RPA3: variants seen among roughly 807,000 people sequenced by gnomAD.
The protein encoded by RPA3 is replication protein A3, also known as replication protein A 14 kDa subunit.
A neutral mutation model predicts 13.7 loss-of-function variants in RPA3; 24 were observed. The ratio of observed to expected loss-of-function variants is 1.75; its 90% CI spans 1.27 to 2.46. The LOEUF is 2.46. RPA3 is among the 30% of genes most tolerant of loss of function. The pLI is 0.00. For missense variants in RPA3, 183 were observed against 151.0 expected (o/e 1.21, Z -1.11); for synonymous variants, 59 against 51.2 (o/e 1.15, Z -0.65).
chr7:7,714,445 A>C (rs1780841375), intron 2 of RPA3, among the ~76,000 whole-genome samples: 1 of 152,256 alleles, frequency 6.6e-6, no homozygotes, highest in Non-Finnish European at 1.5e-5. Flanking sequence ...AAACATGAAT[A>C]AAGAGGGAGT....
intron 2 of RPA3, among the ~76,000 whole-genome samples, chr7:7,697,127 T>A (rs1780340169): frequency 1.3e-5 from 2 of 152,274 alleles, no homozygotes; most frequent in African/African-American, 4.8e-5. Flanking sequence ...TCTTTTTATT[T>A]AAAAAATTAT....
At chr7:7,641,419 C>T (rs779358209) in intron 4 of RPA3, 7 of 152,260 alleles carry the variant, frequency 4.6e-5, no homozygotes, top group Non-Finnish European at 1.0e-4. Context: ...GCGTGTTTTC[C>T]CCATCTGCAA....
chr7:7,678,316 T>C (rs2115116388), intron 4 of RPA3, among the ~76,000 whole-genome samples: 1 of 151,134 alleles, frequency 6.6e-6, no homozygotes, highest in East Asian at 1.9e-4. Context: ...TTGATTTTGA[T>C]TTGCATTTCT....
intron 4 of RPA3, among the ~76,000 whole-genome samples, chr7:7,655,221 G>T (rs1785313544): frequency 6.6e-6 from 1 of 152,086 alleles, no homozygotes; most frequent in Non-Finnish European, 1.5e-5. Context: ...AAGTCATCCA[G>T]TCGTGGGAAT....
At chr7:7,682,484 C>A (rs1779936722) in intron 4 of RPA3, among the ~76,000 whole-genome samples, 1 of 151,968 alleles carries the variant, frequency 6.6e-6, no homozygotes, top group Admixed American at 6.6e-5. Context: ...TGTGTTGTTT[C>A]CTTTATTTAA....
chr7:7,674,915 C>G lies in RPA3; in HGVS notation c.-758+10915G>C, dbSNP rs547904595. Among the ~76,000 whole-genome samples the G allele has an allele frequency of 2.0e-5, 3 of 152,236 alleles. No homozygotes were observed. In the East Asian group the frequency reaches 5.8e-4, roughly 29 times the overall value. On this transcript the variant is annotated intron_variant, in intron 4 of 7. Coordinates refer to ENST00000223129, the MANE Select transcript of RPA3 (RefSeq NM_002947.5). ...ATTTTTTCCAAAAAACTCTTGTTTTCCACTCTGTTATATATTCCTGATTTT... is the reference window on the plus strand; with the variant it reads ...ATTTTTTCCAAAAAACTCTTGTTTTGCACTCTGTTATATATTCCTGATTTT...
intron 4 of RPA3, among the ~76,000 whole-genome samples, chr7:7,655,652 A>G (rs759370300): frequency 2.6e-5 from 4 of 152,228 alleles, no homozygotes; most frequent in Non-Finnish European, 5.9e-5. Context: ...ATTAACTCAT[A>G]TAACTTCCCT....
chr7:7,704,149 A>G (rs1052319981), intron 2 of RPA3, among the ~76,000 whole-genome samples: 9 of 152,190 alleles, frequency 5.9e-5, no homozygotes. Context: ...TGATAGTCTG[A>G]ATGCAGAAGA....
At chr7:7,697,759 T>A (rs1184816311) in intron 2 of RPA3, among the ~76,000 whole-genome samples, 1 of 152,236 alleles carries the variant, frequency 6.6e-6, no homozygotes, top group Non-Finnish European at 1.5e-5. Flanking sequence ...TGAGATTTAC[T>A]GTATTTTTTC....
intron 4 of RPA3, among the ~76,000 whole-genome samples, chr7:7,653,745 C>T (rs533859338): frequency 6.3e-4 from 96 of 152,280 alleles, no homozygotes; most frequent in African/African-American, 1.8e-3. Context: ...AAGTCCCTTT[C>T]TTGTAATGTC....
At chr7:7,654,524 G>A (rs926551147) in intron 4 of RPA3, among the ~76,000 whole-genome samples, 1 of 152,190 alleles carries the variant, frequency 6.6e-6, no homozygotes, top group Non-Finnish European at 1.5e-5. Flanking sequence ...AAATGGTATA[G>A]TATTTGTATA....
rs975763147 is a variant in RPA3, at chr7:7,678,206, C to A, written c.-758+7624G>T. On this transcript the variant is annotated intron_variant, in intron 4 of 7. Coordinates refer to ENST00000223129, the MANE Select transcript of RPA3 (RefSeq NM_002947.5). ...CTGTACTAATTTACATTCCTGCCAC[C>A]AGGGTATGAGGTCCCTTTTCTACAC... Among the ~76,000 whole-genome samples the A allele has an allele frequency of 4.6e-5, 7 of 151,788 alleles. No individual in the cohort carries two copies. In the South Asian group the frequency reaches 1.2e-3, roughly 27 times the overall value.
chr7:7,652,880 G>A (rs1000234043), intron 4 of RPA3, among the ~76,000 whole-genome samples: 1 of 152,182 alleles, frequency 6.6e-6, no homozygotes, highest in Non-Finnish European at 1.5e-5. Flanking sequence ...GATTCTTTCT[G>A]GATGTTGAAT....
intron 2 of RPA3, among the ~76,000 whole-genome samples, chr7:7,688,322 T>A (rs140248254): frequency 2.6e-5 from 4 of 152,320 alleles, no homozygotes; most frequent in African/African-American, 9.6e-5. Flanking sequence ...CATATCTCAT[T>A]GGGTACCTTT....
intron 4 of RPA3, among the ~76,000 whole-genome samples, chr7:7,671,016 A>G (rs989230693): frequency 6.6e-6 from 1 of 152,178 alleles, no homozygotes; most frequent in Non-Finnish European, 1.5e-5. Context: ...TACAACGGAA[A>G]TGGGCACTGG....
At chr7:7,639,999 C>CGT in intron 5 of RPA3, 1 of 352,338 alleles carries the variant, frequency 2.8e-6, no homozygotes. Flanking sequence ...GCGTCCGTCA[C>CGT]GTCTGAGTAA....
chr7:7,678,819 G>T (rs1199209349), intron 4 of RPA3, among the ~76,000 whole-genome samples: 47 of 23,766 alleles, frequency 2.0e-3, no homozygotes, highest in South Asian at 3.5e-3. Flanking sequence ...TATATATTTA[G>T]TTTATAAACA....
At chr7:7,716,506 C>T (rs1209347574) in intron 1 of RPA3, among the ~76,000 whole-genome samples, 1 of 152,156 alleles carries the variant, frequency 6.6e-6, no homozygotes, top group Admixed American at 6.5e-5. Context: ...GTAGCTGTGC[C>T]AATAGTAAAG....
intron 2 of RPA3, among the ~76,000 whole-genome samples, chr7:7,699,953 G>A (rs1199522522): frequency 1.3e-5 from 2 of 152,170 alleles, no homozygotes; most frequent in African/African-American, 4.8e-5. Context: ...AATTCCTGAA[G>A]TGAAAGTAAA....
Sources: gnomAD v4.1 joint callset for allele counts (sites outside exome capture counted in the v4.1 genomes callset) on GRCh38, gnomAD v4.1.1 for gene constraint, MANE v1.5 for transcripts, NCBI Gene and HGNC (gene_info 2026-07-23, HGNC 2026-07-21) for gene names.